SRGAP1: variants seen among roughly 807,000 people sequenced by gnomAD.
The protein encoded by SRGAP1 is SLIT-ROBO Rho GTPase-activating protein 1.
A neutral mutation model predicts 121.9 loss-of-function variants in SRGAP1; 43 were observed. The observed-to-expected ratio is 0.35, with a 90% CI of 0.28 to 0.46. The LOEUF (loss-of-function observed/expected upper bound fraction) is 0.46. Among genes scored for constraint, SRGAP1 ranks in the 20% least tolerant of loss-of-function variants. The pLI is 1.00. For missense variants in SRGAP1, 1,102 were observed against 1,350.9 expected (o/e 0.82, Z 2.89); for synonymous variants, 447 against 485.4 (o/e 0.92, Z 1.04).
intron 3 of SRGAP1, among the ~76,000 whole-genome samples, chr12:64,001,360 G>A (rs893161066): frequency 6.6e-6 from 1 of 152,194 alleles, no homozygotes; most frequent in African/African-American, 2.4e-5. Context: ...TGCAAAGTTA[G>A]CATTTTCCTT....
At chr12:64,040,280 TTGAAA>T (rs1224156860) in intron 4 of SRGAP1, among the ~76,000 whole-genome samples, 5 of 152,188 alleles carry the variant, frequency 3.3e-5, no homozygotes, top group African/African-American at 9.7e-5. Flanking sequence ...AACTCATCTC[TTGAAA>T]TGAGAAAAAT....
At chr12:63,871,969 C>T (rs896762021) in intron 1 of SRGAP1, 1 of 1,049,918 alleles carries the variant, frequency 9.5e-7, no homozygotes. Context: ...TACGATGAAT[C>T]CTTGCCCTTC....
At chr12:63,882,856 T>C (rs1900242008) in intron 1 of SRGAP1, among the ~76,000 whole-genome samples, 2 of 152,216 alleles carry the variant, frequency 1.3e-5, no homozygotes, top group African/African-American at 4.8e-5. Flanking sequence ...AAACTCTTAG[T>C]GTGTGACATT....
chr12:63,950,769 G>T (rs372864908), intron 1 of SRGAP1, among the ~76,000 whole-genome samples: 42 of 152,236 alleles, frequency 2.8e-4, no homozygotes, highest in African/African-American at 9.9e-4. Flanking sequence ...AGAAACATTT[G>T]AGATGTGTTG....
chr12:64,140,821 A>G (rs1370434819), intron 21 of SRGAP1, among the ~76,000 whole-genome samples: 3 of 132,040 alleles, frequency 2.3e-5, no homozygotes, highest in African/African-American at 8.9e-5. Context: ...ACACATGCAC[A>G]CGTATGTTTA....
At chr12:64,079,210 CT>C (rs1340660489) in intron 9 of SRGAP1, 94 bp downstream of exon 9, 4 of 1,393,764 alleles carry the variant, frequency 2.9e-6, no homozygotes, top group Non-Finnish European at 3.9e-6. Flanking sequence ...TCTGGGGTTC[CT>C]TTTGTTAAAA....
At chr12:63,879,509 C>T (rs1243052935) in intron 1 of SRGAP1, 1 of 152,020 alleles carries the variant, frequency 6.6e-6, no homozygotes, top group Admixed American at 6.6e-5. Context: ...CATACAAAGC[C>T]CCCATTTTAA....
intron 8 of SRGAP1, among the ~76,000 whole-genome samples, chr12:64,071,875 C>A (rs373447415): frequency 4.7e-5 from 7 of 149,042 alleles, no homozygotes; most frequent in African/African-American, 1.5e-4. Context: ...CCCTCACCCC[C>A]CCCCAAAAAA....
At chr12:64,068,488 CCGT>C (rs373825192) in intron 8 of SRGAP1, among the ~76,000 whole-genome samples, 150,164 of 150,238 alleles carry the variant, frequency 1, 75,045 homozygotes, top group Non-Finnish European at 1. Context: ...GTGTTAACCA[CCGT>C]GCCCGGCTGA....
At chr12:64,138,494 C>T (rs2036898137) in intron 21 of SRGAP1, among the ~76,000 whole-genome samples, 1 of 144,910 alleles carries the variant, frequency 6.9e-6, no homozygotes, top group African/African-American at 2.6e-5. Context: ...ACTCTGTCAC[C>T]CAGGCTGGAG....
At chr12:63,854,741 A>G (rs1309744534) in intron 1 of SRGAP1, among the ~76,000 whole-genome samples, 2 of 152,200 alleles carry the variant, frequency 1.3e-5, no homozygotes, top group Admixed American at 1.3e-4. Context: ...TGCATAAAAA[A>G]TACTACAAGC....
intron 21 of SRGAP1, among the ~76,000 whole-genome samples, chr12:64,140,965 C>T (rs1481614100): frequency 1.7e-5 from 2 of 118,298 alleles, no homozygotes; most frequent in Non-Finnish European, 3.4e-5. Context: ...AGTTCATGTC[C>T]TTTGTAGGGA....
intron 1 of SRGAP1, among the ~76,000 whole-genome samples, chr12:63,860,986 C>A (rs1316898998): frequency 6.6e-6 from 1 of 151,988 alleles, no homozygotes; most frequent in Admixed American, 6.6e-5. Flanking sequence ...CAGGCGCAGA[C>A]CGCCAAGCCT....
At position 64,079,110 on chromosome 12, in the gene SRGAP1, C is replaced by G. The variant is rs762283825; in HGVS notation, c.1317C>G (p.Tyr439Ter). The G allele has an allele frequency of 6.2e-7, 1 of 1,612,080 alleles. No homozygotes were observed. Among genetic ancestry groups the G allele is most frequent in the South Asian group, 1.1e-5 (1 of 90,902 alleles). The part of the protein sequence containing the change: ...RANQQETEQF[Y>*]FMKLREYLEG... Reference sequence around the variant, plus strand: ...ACCAGCAGGAAACTGAACAGTTCTACTTCATGGTGTGCCCGCCACTTCCCA... The same window carrying G: ...ACCAGCAGGAAACTGAACAGTTCTAGTTCATGGTGTGCCCGCCACTTCCCA... Residue 439 changes from tyrosine (Y) to a stop codon, truncating the protein, a stop_gained, in exon 9 of 22, where the codon TAC becomes TAG. Transcript: ENST00000355086. LOFTEE classifies it high-confidence loss of function.
chr12:64,008,233 G>A (rs1174319398), intron 3 of SRGAP1, among the ~76,000 whole-genome samples: 1 of 152,092 alleles, frequency 6.6e-6, no homozygotes, highest in Non-Finnish European at 1.5e-5. Context: ...AAGGTTTTGG[G>A]GGTTTTCCCC....
intron 1 of SRGAP1, among the ~76,000 whole-genome samples, chr12:63,904,220 G>T (rs1196276084): frequency 6.6e-6 from 1 of 152,034 alleles, no homozygotes; most frequent in Non-Finnish European, 1.5e-5. Context: ...GTTTTAACTG[G>T]ATGCCCACCT....
chr12:63,868,516 C>G (rs371419496), intron 1 of SRGAP1, among the ~76,000 whole-genome samples: 1 of 152,132 alleles, frequency 6.6e-6, no homozygotes, highest in Admixed American at 6.5e-5. Context: ...GCTGAGCGCA[C>G]CAGCAAACCT....
At chr12:63,864,157 A>G (rs1899545729) in intron 1 of SRGAP1, among the ~76,000 whole-genome samples, 1 of 152,208 alleles carries the variant, frequency 6.6e-6, no homozygotes, top group Non-Finnish European at 1.5e-5. Context: ...ATGAATAAGC[A>G]TCTTCTTTGA....
intron 1 of SRGAP1, among the ~76,000 whole-genome samples, chr12:63,862,106 T>G (rs1393906419): frequency 2.6e-5 from 4 of 152,018 alleles, no homozygotes; most frequent in Non-Finnish European, 4.4e-5. Context: ...GGGCGATGAG[T>G]GAAACTCCAT....
Sources: gnomAD v4.1 joint callset for allele counts (sites outside exome capture counted in the v4.1 genomes callset) on GRCh38, gnomAD v4.1.1 for gene constraint, MANE v1.5 for transcripts, NCBI Gene and HGNC (gene_info 2026-07-23, HGNC 2026-07-21) for gene names.